Variants in GLIS3 observed in about 807,000 individuals in gnomAD.
GLIS3 encodes zinc finger protein GLIS3.
In GLIS3, 53 loss-of-function variants were observed where a neutral mutation model predicts 78.6. That is an observed-to-expected ratio of 0.67 (90% CI 0.54 to 0.85). GLIS3 has a LOEUF of 0.85. Among genes scored for constraint, GLIS3 ranks in the 40% least tolerant of loss-of-function variants. GLIS3 has a pLI of 0.00. For missense variants in GLIS3, 1,703 were observed against 1,231.1 expected, an observed-to-expected ratio of 1.38 and a Z score of -5.74; for synonymous variants, 684 against 509.9, an observed-to-expected ratio of 1.34 and a Z score of -4.60.
intron 2 of GLIS3, among the ~76,000 whole-genome samples, chr9:4,184,810 G>A (rs893104755): frequency 6.6e-6 from 1 of 152,128 alleles, no homozygotes; most frequent in Non-Finnish European, 1.5e-5. Flanking sequence ...GTGGAGGAGG[G>A]AGTGAAAAGG....
chr9:4,463,435 C>G, the GLIS3 span, among the ~76,000 whole-genome samples: 1 of 152,294 alleles, frequency 6.6e-6, no homozygotes, highest in African/African-American at 2.4e-5. Context: ...ACCCTCTCTC[C>G]TCTTATGCTC....
chr9:4,253,185 C>T (rs145102572), intron 2 of GLIS3, among the ~76,000 whole-genome samples: 5,126 of 152,308 alleles, frequency 0.034, 256 homozygotes, highest in African/African-American at 0.12. Flanking sequence ...CAGGCAGGAA[C>T]GTTTAAGTCT....
chr9:3,925,514 C>G (rs1563855986), intron 6 of GLIS3, among the ~76,000 whole-genome samples: 1 of 152,198 alleles, frequency 6.6e-6, no homozygotes, highest in Non-Finnish European at 1.5e-5. Flanking sequence ...TATGGGTTTT[C>G]TCCAGGTACT....
chr9:4,182,646 A>G (rs1252834700), intron 2 of GLIS3, among the ~76,000 whole-genome samples: 1 of 152,234 alleles, frequency 6.6e-6, no homozygotes, highest in East Asian at 1.9e-4. Flanking sequence ...TTCCTCTTTT[A>G]TATGGGCAAG....
the GLIS3 span, among the ~76,000 whole-genome samples, chr9:4,373,961 T>G: frequency 5.6e-3 from 850 of 152,244 alleles, 7 homozygotes; most frequent in African/African-American, 0.02. Context: ...CCACCGCGCC[T>G]GGCCGAAAAT....
intron 6 of GLIS3, among the ~76,000 whole-genome samples, chr9:3,918,517 G>A (rs935151042): frequency 6.6e-6 from 1 of 152,078 alleles, no homozygotes; most frequent in Non-Finnish European, 1.5e-5. Flanking sequence ...TACCTTATGG[G>A]AACTAGGACT....
chr9:3,915,726 T>G (rs1185445786), intron 6 of GLIS3, among the ~76,000 whole-genome samples: 1 of 152,200 alleles, frequency 6.6e-6, no homozygotes, highest in Admixed American at 6.5e-5. Context: ...TTACTGGAAG[T>G]AATTTCACAT....
chr9:4,365,495 G>A, the GLIS3 span, among the ~76,000 whole-genome samples: 3 of 151,998 alleles, frequency 2.0e-5, no homozygotes, highest in Non-Finnish European at 4.4e-5. Flanking sequence ...GGTGGAGGTT[G>A]CAGTCAGCCA....
At chr9:4,080,126 T>C (rs923168653) in intron 4 of GLIS3, among the ~76,000 whole-genome samples, 9 of 152,258 alleles carry the variant, frequency 5.9e-5, no homozygotes, top group Non-Finnish European at 1.0e-4. Flanking sequence ...CCTGGCTTTA[T>C]GACTGGGTTG....
At chr9:4,016,310 C>G (rs947963832) in intron 4 of GLIS3, among the ~76,000 whole-genome samples, 4 of 152,204 alleles carry the variant, frequency 2.6e-5, no homozygotes, top group African/African-American at 9.7e-5. Flanking sequence ...GACTCCAAAA[C>G]TACTGAAATT....
chr9:3,984,657 G>A (rs1819586244), intron 4 of GLIS3, among the ~76,000 whole-genome samples: 1 of 152,188 alleles, frequency 6.6e-6, no homozygotes, highest in African/African-American at 2.4e-5. Flanking sequence ...GGACTCTTGG[G>A]AAGGCATGAT....
the GLIS3 span, among the ~76,000 whole-genome samples, chr9:4,368,687 A>G: frequency 1.3e-5 from 2 of 152,324 alleles, no homozygotes; most frequent in South Asian, 4.1e-4. Flanking sequence ...AGCACTGGCC[A>G]AAACCTAATG....
chr9:3,995,099 G>A (rs972654487), intron 4 of GLIS3, among the ~76,000 whole-genome samples: 3 of 152,046 alleles, frequency 2.0e-5, no homozygotes, highest in African/African-American at 7.2e-5. Flanking sequence ...TGGCAACAAA[G>A]TCAGCAAATA....
intron 2 of GLIS3, chr9:4,144,719 T>A (rs1284548122): frequency 6.6e-6 from 1 of 152,232 alleles, no homozygotes; most frequent in African/African-American, 2.4e-5. Flanking sequence ...TATAAATGGT[T>A]AGAATTCAAT....
At chr9:4,393,388 A>G in the GLIS3 span, among the ~76,000 whole-genome samples, 4 of 152,214 alleles carry the variant, frequency 2.6e-5, no homozygotes, top group African/African-American at 9.6e-5. Flanking sequence ...ATCCTCTTAT[A>G]TAACTACACT....
intron 4 of GLIS3, among the ~76,000 whole-genome samples, chr9:3,943,740 A>G (rs139832690): frequency 6.6e-6 from 1 of 152,326 alleles, no homozygotes; most frequent in African/African-American, 2.4e-5. Flanking sequence ...AGAAAAGGCT[A>G]TGACACTTTG....
intron 2 of GLIS3, among the ~76,000 whole-genome samples, chr9:4,244,988 G>C (rs1374620012): frequency 6.6e-6 from 1 of 152,064 alleles, no homozygotes; most frequent in Non-Finnish European, 1.5e-5. Flanking sequence ...AGTTATCCAA[G>C]AAAAAATGAT....
At chr9:4,180,547 A>G (rs1817219963) in intron 2 of GLIS3, among the ~76,000 whole-genome samples, 1 of 152,176 alleles carries the variant, frequency 6.6e-6, no homozygotes, top group Non-Finnish European at 1.5e-5. Flanking sequence ...CTCACCAAGT[A>G]TGAGGCCTAT....
At chr9:4,344,465 G>A (rs984369526) in intron 2 of GLIS3, among the ~76,000 whole-genome samples, 1 of 152,128 alleles carries the variant, frequency 6.6e-6, no homozygotes, top group African/African-American at 2.4e-5. Flanking sequence ...TCGTTATCAC[G>A]TCTTCTCTGC....
Sources: gnomAD v4.1 joint callset for allele counts (sites outside exome capture counted in the v4.1 genomes callset) on GRCh38, gnomAD v4.1.1 for gene constraint, MANE v1.5 for transcripts, NCBI Gene and HGNC (gene_info 2026-07-23, HGNC 2026-07-21) for gene names.